The following PRKN variants were observed in gnomAD, a reference collection of about 807,000 sequenced individuals.
PRKN encodes parkin RBR E3 ubiquitin protein ligase, also known as E3 ubiquitin-protein ligase parkin.
PRKN carries 56 observed loss-of-function variants against 59.5 expected under a neutral mutation model. That is an observed-to-expected ratio of 0.94 (90% confidence interval 0.76 to 1.18). The LOEUF (loss-of-function observed/expected upper bound fraction) is 1.18. PRKN is among the 50% of genes most tolerant of loss of function. PRKN has a pLI of 0.00. For synonymous variants in PRKN, 250 were observed against 222.1 expected (o/e 1.13, Z -1.12); for missense variants, 657 against 596.4 (o/e 1.10, Z -1.06).
intron 2 of PRKN, among the ~76,000 whole-genome samples, chr6:162,393,316 C>T (rs1459894888): frequency 1.6e-4 from 25 of 151,626 alleles, no homozygotes; most frequent in South Asian, 8.3e-4. Context: ...CCTGCCACCA[C>T]GCCCAGCTAA....
At chr6:162,366,366 A>G (rs2128135449) in intron 2 of PRKN, among the ~76,000 whole-genome samples, 1 of 152,278 alleles carries the variant, frequency 6.6e-6, no homozygotes, top group African/African-American at 2.4e-5. Flanking sequence ...CTTATATCCA[A>G]ATGGGATTTA....
intron 1 of PRKN, among the ~76,000 whole-genome samples, chr6:162,505,609 C>T (rs1793573715): frequency 6.6e-6 from 1 of 152,050 alleles, no homozygotes; most frequent in Non-Finnish European, 1.5e-5. Context: ...ATCTGAGCCA[C>T]AAAAGCAACT....
intron 7 of PRKN, among the ~76,000 whole-genome samples, chr6:161,714,280 T>G (rs1786876346): frequency 6.6e-6 from 1 of 152,122 alleles, no homozygotes. Flanking sequence ...ATGTGTCCCC[T>G]CCAAAAATCA....
intron 6 of PRKN, among the ~76,000 whole-genome samples, chr6:161,829,438 G>A (rs931419048): frequency 6.6e-6 from 1 of 152,094 alleles, no homozygotes; most frequent in African/African-American, 2.4e-5. Context: ...GATGAATCTA[G>A]GCTTTTGGCG....
At chr6:161,964,950 C>T (rs1160310068) in intron 6 of PRKN, among the ~76,000 whole-genome samples, 3 of 151,912 alleles carry the variant, frequency 2.0e-5, no homozygotes, top group Non-Finnish European at 4.4e-5. Flanking sequence ...CCAGCTATAG[C>T]CAGAATTAAT....
chr6:161,406,893 T>C (rs927142469), intron 9 of PRKN, among the ~76,000 whole-genome samples: 1 of 152,144 alleles, frequency 6.6e-6, no homozygotes, highest in African/African-American at 2.4e-5. Context: ...GACTTGGAAA[T>C]GCAGACAGAA....
chr6:162,346,959 C>T (rs962784000), intron 2 of PRKN, among the ~76,000 whole-genome samples: 3 of 151,940 alleles, frequency 2.0e-5, no homozygotes, highest in East Asian at 3.9e-4. Flanking sequence ...CCTTTAACAA[C>T]ATTTTAATTT....
At chr6:161,928,281 A>G (rs189581370) in intron 6 of PRKN, among the ~76,000 whole-genome samples, 267 of 152,338 alleles carry the variant, frequency 1.8e-3, no homozygotes, top group African/African-American at 5.9e-3. Flanking sequence ...GCCTGAATGG[A>G]TAATGACACT....
At chr6:161,404,912 C>A (rs1231357822) in intron 9 of PRKN, among the ~76,000 whole-genome samples, 3 of 152,154 alleles carry the variant, frequency 2.0e-5, no homozygotes, top group African/African-American at 7.2e-5. Flanking sequence ...GTAAATACTG[C>A]AATGGAATGG....
At chr6:161,508,857 T>G (rs1325247418) in intron 9 of PRKN, among the ~76,000 whole-genome samples, 1 of 152,108 alleles carries the variant, frequency 6.6e-6, no homozygotes, top group African/African-American at 2.4e-5. Context: ...CTTTTTTTTT[T>G]TTTGGAGATG....
chr6:161,882,120 A>G (rs746361360), intron 6 of PRKN, among the ~76,000 whole-genome samples: 1 of 152,218 alleles, frequency 6.6e-6, no homozygotes, highest in Non-Finnish European at 1.5e-5. Flanking sequence ...TAAACACAAT[A>G]CAAAATCCAA....
At chr6:162,235,751 C>A (rs529733919) in intron 3 of PRKN, among the ~76,000 whole-genome samples, 1 of 150,560 alleles carries the variant, frequency 6.6e-6, no homozygotes, top group Non-Finnish European at 1.5e-5. Flanking sequence ...TGCAGGGAGC[C>A]GAGATTGCAC....
At chr6:162,078,001 T>TAA (rs59795906) in intron 4 of PRKN, among the ~76,000 whole-genome samples, 4 of 123,560 alleles carry the variant, frequency 3.2e-5, no homozygotes, top group South Asian at 2.7e-4. Context: ...ACTCTCTCTC[T>TAA]AAAAAAAAAA....
intron 9 of PRKN, among the ~76,000 whole-genome samples, chr6:161,438,286 C>T (rs933719341): frequency 7.4e-6 from 1 of 134,938 alleles, no homozygotes; most frequent in African/African-American, 2.9e-5. Flanking sequence ...GGCGTGATCT[C>T]GACTCACTGC....
chr6:162,609,018 T>G (rs934629596), intron 1 of PRKN, among the ~76,000 whole-genome samples: 1 of 152,160 alleles, frequency 6.6e-6, no homozygotes, highest in Non-Finnish European at 1.5e-5. Context: ...GAAGAGACAG[T>G]GTGCTGGCAG....
intron 1 of PRKN, among the ~76,000 whole-genome samples, chr6:162,450,426 T>TGTAAACGCCCC (rs1583593001): frequency 2.3e-4 from 28 of 120,992 alleles, no homozygotes; most frequent in Middle Eastern, 3.7e-3. Context: ...ACCCCTGTGA[T>TGTAAACGCCCC]TGTCTTCCTC....
At chr6:162,131,255 T>C (rs375836997) in intron 4 of PRKN, among the ~76,000 whole-genome samples, 14 of 152,288 alleles carry the variant, frequency 9.2e-5, no homozygotes, top group African/African-American at 3.4e-4. Context: ...AACAGGAGCC[T>C]GAGGAACAGC....
intron 6 of PRKN, among the ~76,000 whole-genome samples, chr6:161,787,140 C>T (rs1790452126): frequency 6.6e-6 from 1 of 152,072 alleles, no homozygotes; most frequent in South Asian, 2.1e-4. Context: ...TATAAGAGCT[C>T]TTCAAAAGCC....
intron 1 of PRKN, among the ~76,000 whole-genome samples, chr6:162,546,616 G>C (rs1411486165): frequency 6.6e-6 from 1 of 151,718 alleles, no homozygotes; most frequent in South Asian, 2.1e-4. Flanking sequence ...GCTAATTTTT[G>C]TATTTTTAGT....
Sources: gnomAD v4.1 joint callset for allele counts (sites outside exome capture counted in the v4.1 genomes callset) on GRCh38, gnomAD v4.1.1 for gene constraint, MANE v1.5 for transcripts, NCBI Gene and HGNC (gene_info 2026-07-23, HGNC 2026-07-21) for gene names.